The following SLC25A13 variants were observed in gnomAD, a reference collection of about 807,000 sequenced individuals.
The protein encoded by SLC25A13 is solute carrier family 25 member 13.
SLC25A13 carries 70 observed loss-of-function variants against 85.5 expected under a neutral mutation model. The observed-to-expected ratio is 0.82, with a 90% CI of 0.68 to 1.00. SLC25A13 has a LOEUF of 1.00. SLC25A13 is among the 50% of genes least tolerant of loss of function. SLC25A13 has a pLI of 0.00. For synonymous variants in SLC25A13, 259 were observed against 288.7 expected, an observed-to-expected ratio of 0.90 and a Z score of 1.04; for missense variants, 765 against 819.8, an observed-to-expected ratio of 0.93 and a Z score of 0.82.
chr7:96,205,474 G>C (rs1300238139), intron 5 of SLC25A13, among the ~76,000 whole-genome samples: 2 of 152,066 alleles, frequency 1.3e-5, no homozygotes, highest in Non-Finnish European at 2.9e-5. Flanking sequence ...AGTTAACTGG[G>C]CATTAAAAAA....
intron 1 of SLC25A13, chr7:96,309,628 T>C (rs1212534525): frequency 6.6e-6 from 1 of 152,218 alleles, no homozygotes; most frequent in Non-Finnish European, 1.5e-5. Context: ...CTGAATGCTA[T>C]GCAACAGTTA....
chr7:96,223,984 C>T (rs1796234812), intron 4 of SLC25A13, among the ~76,000 whole-genome samples: 1 of 152,066 alleles, frequency 6.6e-6, no homozygotes, highest in Admixed American at 6.5e-5. Flanking sequence ...AACACACCCA[C>T]ACATCCACAC....
At chr7:96,146,483 T>C in intron 14 of SLC25A13, 73 bp downstream of exon 14, 2 of 1,564,928 alleles carry the variant, frequency 1.3e-6, no homozygotes. Context: ...ATGGATTTCA[T>C]GTTGAAGAAT....
chr7:96,153,173 T>C (rs575373365), intron 13 of SLC25A13, among the ~76,000 whole-genome samples: 23 of 152,156 alleles, frequency 1.5e-4, no homozygotes, highest in Non-Finnish European at 2.6e-4. Context: ...GGGGATAAAT[T>C]TGTTACAGAG....
Position 96,193,149 on chromosome 7 carries a change from A to T in SLC25A13, c.503T>A (p.Val168Glu). 6.2e-7 allele frequency: 1 copy of T among 1,614,182 alleles called. No homozygotes were observed. The highest frequency in any genetic ancestry group is 8.5e-7 in the Non-Finnish European group (1 of 1,180,024). ...IQLEHAKQAF[V>E]QRDNARTGRV... is the part of the protein sequence containing the mutation. ...CCCAGTCCTAGCATTGTCCCGTTGC[A>T]CAAAGGCTTGCTTTGCGTGCTCCAG... Residue 168 changes from valine (V) to glutamate (E), a missense_variant, in exon 6 of 18, where the codon GTG becomes GAG. Physicochemically the swap from Val to Glu is moderately radical, Grantham distance 121. Transcript: ENST00000265631.
intron 5 of SLC25A13, among the ~76,000 whole-genome samples, chr7:96,199,039 T>C (rs1452855170): frequency 6.6e-6 from 1 of 152,226 alleles, no homozygotes. Flanking sequence ...GAACGTTTAC[T>C]AAGTTATTAA....
chr7:96,259,518 C>T (rs531084532), intron 3 of SLC25A13, among the ~76,000 whole-genome samples: 236 of 152,210 alleles, frequency 1.6e-3, no homozygotes, highest in African/African-American at 5.3e-3. Context: ...TACCATCTCA[C>T]GCCAGTTAGA....
rs529272472 is a variant in SLC25A13 at position 96,233,541 on chromosome 7, A to G, written c.328+1261T>C. Among the ~76,000 whole-genome samples the G allele has an allele frequency of 2.0e-5, 3 of 152,332 alleles. No homozygotes were observed. The South Asian group carries it at 6.2e-4, about 32-fold the overall frequency. On this transcript the variant is annotated intron_variant, in intron 4 of 17. Coordinates refer to ENST00000265631, the MANE Select transcript of SLC25A13 (RefSeq NM_014251.3). ...TTTTGTCTTTGCTCAAGATGATTTA[A>G]CCTTTAATTCTGTCATGCCAAATGA...
At chr7:96,197,334 C>T (rs1014407801) in intron 5 of SLC25A13, among the ~76,000 whole-genome samples, 4 of 152,106 alleles carry the variant, frequency 2.6e-5, no homozygotes, top group Non-Finnish European at 5.9e-5. Flanking sequence ...CTTCTGTACA[C>T]CCAGAGCATC....
At chr7:96,192,896 T>C (rs1269066932) in intron 6 of SLC25A13, 141 bp downstream of exon 6, 2 of 921,468 alleles carry the variant, frequency 2.2e-6, no homozygotes, top group Non-Finnish European at 1.7e-6. Flanking sequence ...CACTCTTTGT[T>C]TGAGTTTAGT....
At chr7:96,310,799 A>G (rs988433436) in intron 1 of SLC25A13, among the ~76,000 whole-genome samples, 1 of 151,844 alleles carries the variant, frequency 6.6e-6, no homozygotes, top group Non-Finnish European at 1.5e-5. Flanking sequence ...AATAATTATC[A>G]CTCATTATGT....
At chr7:96,140,130 T>C (rs1467159482) in intron 14 of SLC25A13, among the ~76,000 whole-genome samples, 1 of 149,858 alleles carries the variant, frequency 6.7e-6, no homozygotes, top group Non-Finnish European at 1.5e-5. Flanking sequence ...GGCTAATTTT[T>C]TGTAGTTTTA....
chr7:96,193,115 T>G lies in SLC25A13; in HGVS notation c.537A>C (p.Thr179=). 1.9e-6 allele frequency: 3 copies of G among 1,614,218 alleles called. No individual in the cohort carries two copies. The highest frequency in any genetic ancestry group is 2.5e-6 in the Non-Finnish European group (3 of 1,180,044). Residue 179 remains threonine, a synonymous_variant, in exon 6 of 18, where the codon ACA becomes ACC. Transcript: ENST00000265631. The part of the protein sequence containing the change: ...QRDNARTGRV[T]AIDFRDIMVT... Reference sequence around the variant, plus strand: ...CCATGATGTCTCGGAAGTCGATGGCTGTGACTCTCCCAGTCCTAGCATTGT... The same window carrying G: ...CCATGATGTCTCGGAAGTCGATGGCGGTGACTCTCCCAGTCCTAGCATTGT...
rs58984088 is a variant in SLC25A13 at position 96,128,939 on chromosome 7, G to GCTCTCTCTCTCTCTCTCT, written c.1591+2786_1591+2803dup. 1.7e-3 allele frequency among the ~76,000 whole-genome samples: 138 copies of GCTCTCTCTCTCTCTCTCT among 81,902 alleles called. 15 individuals carry two copies. The highest frequency in any genetic ancestry group is 3.0e-3 in the East Asian group (8 of 2,644). 53.7% of individuals were successfully genotyped at this position (81,902 alleles called of 152,430 possible). ...AGACACTGCAGCTTCTGCCTTGCTTGCTCTCTCTCTCTCTCTCTCTCTCTC... is the reference window on the plus strand; with the variant it reads ...AGACACTGCAGCTTCTGCCTTGCTTGCTCTCTCTCTCTCTCTCTCTCTCTCTCTCTCTCTCTCTCTCTC... On this transcript the variant is annotated intron_variant, in intron 15 of 17. Transcript: ENST00000265631.
intron 3 of SLC25A13, among the ~76,000 whole-genome samples, chr7:96,261,443 T>A (rs943522676): frequency 6.6e-6 from 1 of 152,190 alleles, no homozygotes; most frequent in Non-Finnish European, 1.5e-5. Context: ...TTACCATATA[T>A]CATTTATTTC....
chr7:96,149,241 A>G (rs1250776039), intron 13 of SLC25A13, among the ~76,000 whole-genome samples: 1 of 152,230 alleles, frequency 6.6e-6, no homozygotes, highest in African/African-American at 2.4e-5. Flanking sequence ...CCAGTCTTCC[A>G]TATCATTTCA....
At chr7:96,161,345 C>A (rs1793500189) in intron 13 of SLC25A13, among the ~76,000 whole-genome samples, 1 of 152,060 alleles carries the variant, frequency 6.6e-6, no homozygotes, top group South Asian at 2.1e-4. Flanking sequence ...ATTCCTGCAC[C>A]CCTACTCTCC....
chr7:96,207,261 C>A (rs547009295), intron 5 of SLC25A13, among the ~76,000 whole-genome samples: 4 of 152,134 alleles, frequency 2.6e-5, no homozygotes, highest in Non-Finnish European at 5.9e-5. Context: ...TTATATGAAT[C>A]ATAATAATAC....
At chr7:96,260,216 A>G (rs1278134927) in intron 3 of SLC25A13, among the ~76,000 whole-genome samples, 5 of 152,088 alleles carry the variant, frequency 3.3e-5, no homozygotes, top group African/African-American at 4.8e-5. Context: ...TAATTAAAAA[A>G]GGGGGAGATT....
Sources: gnomAD v4.1 joint callset for allele counts (sites outside exome capture counted in the v4.1 genomes callset) on GRCh38, gnomAD v4.1.1 for gene constraint, MANE v1.5 for transcripts, NCBI Gene and HGNC (gene_info 2026-07-23, HGNC 2026-07-21) for gene names.